Variants in METTL9 observed in about 807,000 individuals in gnomAD.
METTL9 encodes the protein protein-L-histidine N-pros-methyltransferase.
Under a neutral mutation model 36.0 loss-of-function variants are expected in METTL9, and 10 were observed. The ratio of observed to expected loss-of-function variants is 0.28; its 90% CI spans 0.17 to 0.47. The LOEUF (loss-of-function observed/expected upper bound fraction) is 0.47, where lower values mean the gene tolerates loss of function less well. Among genes scored for constraint, METTL9 ranks in the 20% least tolerant of loss-of-function variants. The pLI, the probability that METTL9 is intolerant of heterozygous loss-of-function variation, is 0.99. For synonymous variants in METTL9, 175 were observed against 149.7 expected (o/e 1.17, Z -1.23); for missense variants, 246 against 383.5 (o/e 0.64, Z 3.00).
chr16:21,649,460 C>T (rs1966513261), intron 4 of METTL9, among the ~76,000 whole-genome samples: 1 of 152,162 alleles, frequency 6.6e-6, no homozygotes, highest in African/African-American at 2.4e-5. Flanking sequence ...GCTCCATCTC[C>T]AGCCAAGGGG....
intron 1 of METTL9, among the ~76,000 whole-genome samples, chr16:21,606,208 G>C (rs962759053): frequency 6.6e-6 from 1 of 152,104 alleles, no homozygotes; most frequent in South Asian, 2.1e-4. Context: ...GTGGTGGCAC[G>C]TGCCTGTAAT....
At chr16:21,630,213 G>A (rs1965919515) in intron 4 of METTL9, among the ~76,000 whole-genome samples, 1 of 152,242 alleles carries the variant, frequency 6.6e-6, no homozygotes, top group Non-Finnish European at 1.5e-5. Flanking sequence ...CACTCCGACA[G>A]CCCAGTGGGA....
intron 1 of METTL9, 46 bp from the exon 2 acceptor site, chr16:21,612,599 C>G: frequency 2.8e-6 from 4 of 1,430,156 alleles, no homozygotes; most frequent in Non-Finnish European, 3.6e-6. Context: ...GGTGACACTT[C>G]GGTTGTGTGT....
intron 4 of METTL9, chr16:21,639,812 T>C (rs1966200106): frequency 1.3e-5 from 2 of 152,208 alleles, no homozygotes; most frequent in South Asian, 2.1e-4. Context: ...TTGATATCAC[T>C]GATTTAAACC....
intron 1 of METTL9, 22 bp from the exon 2 acceptor site, chr16:21,612,623 C>CTTTT (rs576885895): frequency 1.1e-5 from 14 of 1,250,254 alleles, no homozygotes; most frequent in Middle Eastern, 2.4e-4. Context: ...AATTTTTGTT[C>CTTTT]TTTTTTTTTT....
Position 21,625,002 on chromosome 16 carries a change from A to T in METTL9, c.638A>T (p.Asp213Val). ...GTCATCAGCTGCCTGAACTTGCTGG[A>T]CCGCTGTGATCAGCCCCTGACTTTG... ...YDVISCLNLL[D>V]RCDQPLTLLK... is the part of the protein sequence containing the mutation. The change falls in exon 4 of 5, where the codon GAC becomes GTC. Residue 213 changes from aspartate to valine, a missense_variant. Asp to Val is a radical substitution (Grantham distance 152, BLOSUM62 -3). Around this residue, in one of 2 missense-constraint regions of METTL9, gnomAD observed 146 missense variants for 302.1 expected, o/e 0.48. Transcript: ENST00000358154. 1 of 1,614,126 alleles carries T rather than the reference A, an allele frequency of 6.2e-7. No individual in the cohort carries two copies. Among genetic ancestry groups the T allele is most frequent in the Non-Finnish European group, 8.5e-7 (1 of 1,180,016 alleles).
At chr16:21,598,700 A>G (rs959273728), upstream of METTL9, among the ~76,000 whole-genome samples, 2 of 152,126 alleles carry the variant, frequency 1.3e-5, no homozygotes, top group Non-Finnish European at 1.5e-5. Context: ...GTTATAAATG[A>G]TCAAATAAAT....
chr16:21,607,515 T>TG (rs1267076458), intron 1 of METTL9, among the ~76,000 whole-genome samples: 11 of 152,230 alleles, frequency 7.2e-5, no homozygotes, highest in Admixed American at 6.5e-4. Context: ...GCAGTTGTGT[T>TG]GCCAGTAGGG....
rs776744312 is a variant in METTL9 at position 21,657,173 on chromosome 16, T to C, written c.*1741T>C. 6.6e-6 allele frequency: 1 copy of C among 152,074 alleles called. No individual in the cohort carries two copies. The highest frequency in any genetic ancestry group is 2.4e-5 in the African/African-American group (1 of 41,398). 9.4% of individuals were successfully genotyped at this position (152,074 alleles called of 1,614,324 possible). On this transcript the variant is annotated 3_prime_UTR_variant, in exon 5 of 5. Transcript: ENST00000358154. ...GCTCTAATAAGAAAAATACAACTCA[T>C]TCTTAACCACCCCCCCAAAACAGAG...
At chr16:21,604,867 G>A (rs1451029762) in intron 1 of METTL9, among the ~76,000 whole-genome samples, 1 of 152,140 alleles carries the variant, frequency 6.6e-6, no homozygotes, top group Non-Finnish European at 1.5e-5. Flanking sequence ...CATTTCTTTT[G>A]AGAATGGCTG....
rs1248384987 is a variant in METTL9 at position 21,647,276 on chromosome 16, G to A, written c.752-7951G>A. On this transcript the variant is annotated intron_variant, in intron 4 of 4. Coordinates refer to ENST00000358154, the MANE Select transcript of METTL9 (RefSeq NM_016025.5). Reference sequence around the variant, plus strand: ...GAGGGAAACTTGGTTTTCTTTGAGGGCCTCCCTCACTGTGAACTTGTCTGC... The same window carrying A: ...GAGGGAAACTTGGTTTTCTTTGAGGACCTCCCTCACTGTGAACTTGTCTGC... The A allele has an allele frequency of 1.2e-6, 2 of 1,614,010 alleles. No homozygotes were observed. The highest frequency in any genetic ancestry group is 1.7e-6 in the Non-Finnish European group (2 of 1,180,026).
chr16:21,636,434 G>A (rs1966094340), intron 4 of METTL9, among the ~76,000 whole-genome samples: 1 of 152,194 alleles, frequency 6.6e-6, no homozygotes, highest in Non-Finnish European at 1.5e-5. Context: ...GAGACAGGGA[G>A]TGATTTTGAG....
chr16:21,636,826 C>T (rs189771753), intron 4 of METTL9, among the ~76,000 whole-genome samples: 15 of 152,140 alleles, frequency 9.9e-5, no homozygotes, highest in African/African-American at 3.4e-4. Context: ...ATTTAGCCCC[C>T]GAACTCTAAG....
At chr16:21,619,587 A>ATTTTTTT (rs35728063) in intron 3 of METTL9, among the ~76,000 whole-genome samples, 6 of 124,224 alleles carry the variant, frequency 4.8e-5, no homozygotes, top group African/African-American at 6.0e-5. Flanking sequence ...TGCCCGGCTA[A>ATTTTTTT]TTTTTTTTTT....
chr16:21,624,977 G>T lies in METTL9; in HGVS notation c.613G>T (p.Val205Phe), dbSNP rs1258796750. The change falls in exon 4 of 5, where the codon GTC becomes TTC. Residue 205 changes from valine (V) to phenylalanine (F), a missense_variant. Physicochemically the swap from Val to Phe is conservative, Grantham distance 50 (BLOSUM62 -1). This residue lies in a region of METTL9 where 146 missense variants were observed against 302.1 expected (regional missense o/e 0.48). Coordinates refer to ENST00000358154, the MANE Select transcript of METTL9 (RefSeq NM_016025.5). ...EWQNTGFQYDVISCLNLLDRC... is the reference protein window; with the variant it reads ...EWQNTGFQYDFISCLNLLDRC... ...GCAGAATACGGGGTTCCAGTATGAT[G>T]TCATCAGCTGCCTGAACTTGCTGGA... 1 of 1,614,022 alleles carries T rather than the reference G, an allele frequency of 6.2e-7. No homozygotes were observed. Among genetic ancestry groups the T allele is most frequent in the African/African-American group, 1.3e-5 (1 of 74,906 alleles).
chr16:21,635,449 A>T (rs1966065498), intron 4 of METTL9, among the ~76,000 whole-genome samples: 1 of 152,040 alleles, frequency 6.6e-6, no homozygotes. Flanking sequence ...CTCCTGTGGG[A>T]TGTAAATTGC....
intron 4 of METTL9, among the ~76,000 whole-genome samples, chr16:21,642,596 GTT>G (rs1360978867): frequency 6.6e-6 from 1 of 152,096 alleles, no homozygotes; most frequent in East Asian, 1.9e-4. Context: ...ATTCTTTTCA[GTT>G]CAACTCCAGA....
upstream of METTL9, among the ~76,000 whole-genome samples, chr16:21,598,162 A>G (rs1964994505): frequency 2.0e-5 from 3 of 152,174 alleles, no homozygotes; most frequent in South Asian, 6.2e-4. Context: ...CATCCTGGCC[A>G]ACATGGTGAA....
At chr16:21,612,257 A>G in intron 1 of METTL9, 1 of 162,812 alleles carries the variant, frequency 6.1e-6, no homozygotes, top group East Asian at 1.8e-4. Context: ...CTGATGTTGA[A>G]TCTCAGTGAA....
Sources: allele counts gnomAD v4.1 joint callset (sites outside exome capture counted in the v4.1 genomes callset), GRCh38; gene constraint gnomAD v4.1.1; regional missense constraint gnomAD v4.1.1; transcripts MANE v1.5; gene names NCBI Gene and HGNC (gene_info 2026-07-23, HGNC 2026-07-21).